Variants in CHN2 observed in about 807,000 individuals in gnomAD.
CHN2 encodes beta-chimaerin.
Under a neutral mutation model 56.3 loss-of-function variants are expected in CHN2, and 35 were observed. The ratio of observed to expected loss-of-function variants is 0.62; its 90% CI spans 0.47 to 0.82. CHN2 has a LOEUF of 0.82. Among genes scored for constraint, CHN2 ranks in the 40% least tolerant of loss-of-function variants. The pLI, the probability that CHN2 is intolerant of heterozygous loss-of-function variation, is 0.00. For synonymous variants in CHN2, 210 were observed against 212.8 expected (o/e 0.99, Z 0.12); for missense variants, 491 against 580.5 (o/e 0.85, Z 1.58).
chr7:29,412,082 A>G (rs1398140981), intron 6 of CHN2, among the ~76,000 whole-genome samples: 2 of 152,140 alleles, frequency 1.3e-5, no homozygotes, highest in East Asian at 3.8e-4. Flanking sequence ...TAATCCAATA[A>G]TCCACACTAC....
At chr7:29,291,099 G>A (rs908602290) in intron 1 of CHN2, among the ~76,000 whole-genome samples, 2 of 152,168 alleles carry the variant, frequency 1.3e-5, no homozygotes, top group Admixed American at 1.3e-4. Context: ...TACTGGAGTT[G>A]TACCCATGCT....
intron 1 of CHN2, among the ~76,000 whole-genome samples, chr7:29,281,088 T>C (rs985051765): frequency 5.3e-5 from 8 of 152,178 alleles, no homozygotes; most frequent in Non-Finnish European, 1.5e-5. Flanking sequence ...GAATAAGCAA[T>C]AGATTTAGAT....
chr7:29,275,167 C>T (rs561104822), intron 1 of CHN2, among the ~76,000 whole-genome samples: 1 of 152,224 alleles, frequency 6.6e-6, no homozygotes, highest in African/African-American at 2.4e-5. Context: ...TCTCATAGGG[C>T]TGTTTTGAGA....
intron 1 of CHN2, among the ~76,000 whole-genome samples, chr7:29,332,035 G>T (rs1015292292): frequency 4.1e-5 from 6 of 146,910 alleles, no homozygotes; most frequent in Non-Finnish European, 9.0e-5. Flanking sequence ...AAAAAAAAGA[G>T]AAGGATAATT....
intron 6 of CHN2, among the ~76,000 whole-genome samples, chr7:29,442,791 C>G (rs948503083): frequency 2.0e-5 from 3 of 152,168 alleles, no homozygotes; most frequent in African/African-American, 7.2e-5. Flanking sequence ...GTCACTGATA[C>G]TGCATACATA....
intron 7 of CHN2, among the ~76,000 whole-genome samples, chr7:29,489,210 T>C (rs565389562): frequency 6.6e-6 from 1 of 152,340 alleles, no homozygotes; most frequent in Non-Finnish European, 1.5e-5. Context: ...TTGTCAAACA[T>C]ACCTTATCTC....
At chr7:29,299,114 G>T (rs558832601) in intron 1 of CHN2, among the ~76,000 whole-genome samples, 3 of 152,162 alleles carry the variant, frequency 2.0e-5, no homozygotes, top group Non-Finnish European at 2.9e-5. Flanking sequence ...TGAATCCCAG[G>T]TTCCACCCTG....
intron 3 of CHN2, among the ~76,000 whole-genome samples, chr7:29,385,721 T>C (rs946586413): frequency 1.3e-5 from 2 of 152,190 alleles, no homozygotes; most frequent in Non-Finnish European, 2.9e-5. Flanking sequence ...CCCCTCCCAG[T>C]TGAGAACCAC....
At chr7:29,380,627 T>C (rs779792645) in intron 3 of CHN2, 1 of 152,224 alleles carries the variant, frequency 6.6e-6, no homozygotes, top group Admixed American at 6.5e-5. Context: ...CCAAAGTACG[T>C]ATAGTACCAC....
At chr7:29,355,325 T>C (rs1798211973) in intron 2 of CHN2, among the ~76,000 whole-genome samples, 1 of 152,198 alleles carries the variant, frequency 6.6e-6, no homozygotes, top group Non-Finnish European at 1.5e-5. Flanking sequence ...TGTTGACTTC[T>C]ATGAATTATG....
chr7:29,369,624 C>T (rs956953143), intron 3 of CHN2, among the ~76,000 whole-genome samples: 4 of 152,186 alleles, frequency 2.6e-5, no homozygotes, highest in Admixed American at 2.6e-4. Flanking sequence ...GAAAAAACCT[C>T]TCGGTTTCTC....
At chr7:29,220,634 A>G (rs985773709) in intron 1 of CHN2, among the ~76,000 whole-genome samples, 3 of 152,182 alleles carry the variant, frequency 2.0e-5, no homozygotes, top group Non-Finnish European at 4.4e-5. Context: ...TCCTAAATTT[A>G]TTATTTAAAT....
chr7:29,318,033 A>T (rs910245526), intron 1 of CHN2, among the ~76,000 whole-genome samples: 3 of 152,196 alleles, frequency 2.0e-5, no homozygotes, highest in Non-Finnish European at 4.4e-5. Context: ...TGACTGTAGG[A>T]TGCCAGGGTG....
chr7:29,164,229 T>C (rs1795588766), intron 2 of CHN2, among the ~76,000 whole-genome samples: 1 of 152,226 alleles, frequency 6.6e-6, no homozygotes, highest in African/African-American at 2.4e-5. Context: ...AAACTTGAAT[T>C]TTCCTAATGA....
rs544963163 is a variant in CHN2, at chr7:29,422,484, C to T, written c.576+21656C>T. 5.3e-5 allele frequency among the ~76,000 whole-genome samples: 8 copies of T among 152,342 alleles called. No individual in the cohort carries two copies. In the East Asian group the frequency reaches 9.6e-4, roughly 18 times the overall value. On this transcript the variant is annotated intron_variant, in intron 6 of 12. Coordinates refer to ENST00000222792, the MANE Select transcript of CHN2 (RefSeq NM_004067.4). ...AAAGTCATTTTCCAGATCTAATAGA[C>T]GGCCTCTCTCCCTGGCCACTCTCTG...
chr7:29,356,412 C>T (rs776194725), intron 2 of CHN2, among the ~76,000 whole-genome samples: 11 of 152,064 alleles, frequency 7.2e-5, no homozygotes, highest in Non-Finnish European at 1.2e-4. Flanking sequence ...ATACATAAAA[C>T]GGAGAGTAAA....
intron 7 of CHN2, among the ~76,000 whole-genome samples, chr7:29,487,101 C>T (rs1788107811): frequency 6.6e-6 from 1 of 152,164 alleles, no homozygotes; most frequent in Non-Finnish European, 1.5e-5. Flanking sequence ...CCTTTTCTGT[C>T]CATCTGATGC....
chr7:29,437,242 T>C (rs1227556834), intron 6 of CHN2, among the ~76,000 whole-genome samples: 1 of 152,240 alleles, frequency 6.6e-6, no homozygotes, highest in East Asian at 1.9e-4. Flanking sequence ...GTTGAGCATC[T>C]GTACCTGACC....
intron 1 of CHN2, among the ~76,000 whole-genome samples, chr7:29,316,812 T>G (rs936190367): frequency 3.3e-5 from 5 of 152,122 alleles, no homozygotes; most frequent in Admixed American, 2.6e-4. Context: ...CCAGATAATC[T>G]TGGTATAGTC....
Sources: allele counts gnomAD v4.1 joint callset (sites outside exome capture counted in the v4.1 genomes callset), GRCh38; gene constraint gnomAD v4.1.1; transcripts MANE v1.5; gene names NCBI Gene and HGNC (gene_info 2026-07-23, HGNC 2026-07-21).